The following DOCK7 variants were observed in gnomAD, a reference collection of about 807,000 sequenced individuals.
DOCK7 encodes dedicator of cytokinesis protein 7.
DOCK7 carries 138 observed loss-of-function variants against 271.0 expected under a neutral mutation model. That is an observed-to-expected ratio of 0.51 (90% confidence interval 0.44 to 0.59). DOCK7 has a LOEUF of 0.59. Among genes scored for constraint, DOCK7 ranks in the 20% least tolerant of loss-of-function variants. DOCK7 has a pLI of 0.00. For missense variants in DOCK7, 2,066 were observed against 2,592.4 expected, an observed-to-expected ratio of 0.80 and a Z score of 4.41; for synonymous variants, 823 against 876.1, an observed-to-expected ratio of 0.94 and a Z score of 1.07.
intron 14 of DOCK7, among the ~76,000 whole-genome samples, chr1:62,615,684 T>C (rs1652350622): frequency 1.3e-5 from 2 of 151,732 alleles, no homozygotes; most frequent in Admixed American, 6.6e-5. Context: ...TGTTCACTCA[T>C]GAGAGAAAAA....
chr1:62,629,276 C>A (rs535234959), intron 11 of DOCK7: 1 of 152,202 alleles, frequency 6.6e-6, no homozygotes, highest in Admixed American at 6.5e-5. Flanking sequence ...AATGTCCACA[C>A]GAAAGCTTGT....
chr1:62,546,089 C>T (rs1180362444), intron 22 of DOCK7, among the ~76,000 whole-genome samples: 1 of 152,068 alleles, frequency 6.6e-6, no homozygotes, highest in Admixed American at 6.6e-5. Flanking sequence ...AACCAGAAAC[C>T]ACCAAAGGAA....
intron 12 of DOCK7, 179 bp downstream of exon 12, chr1:62,625,080 T>C (rs142151458): frequency 6.4e-6 from 3 of 467,436 alleles, no homozygotes; most frequent in South Asian, 6.0e-5. Flanking sequence ...GCTAAAATAA[T>C]AGGAACAATA....
At chr1:62,602,184 C>A in intron 14 of DOCK7, 2 of 958,024 alleles carry the variant, frequency 2.1e-6, no homozygotes, top group Non-Finnish European at 3.3e-6. Context: ...AATAAACTAC[C>A]TTACAAAACC....
chr1:62,544,978 G>T lies in DOCK7; in HGVS notation c.2828C>A (p.Ser943Tyr), dbSNP rs61742951. The change falls in exon 23 of 50, where the codon TCC becomes TAC. Residue 943 changes from serine (S) to tyrosine (Y), a missense_variant. Ser to Tyr is a moderately radical substitution (Grantham distance 144). Transcript: ENST00000635253. Reference protein sequence around the residue: ...TGGPKAAPWGSNPSPSAESTQ... With the variant: ...TGGPKAAPWGYNPSPSAESTQ... ...TGATTCTGCACTTGGACTGGGGTTGGATCCCCATGGGGCAGCTTTTGGACC... is the reference window on the plus strand; with the variant it reads ...TGATTCTGCACTTGGACTGGGGTTGTATCCCCATGGGGCAGCTTTTGGACC... 1.3e-6 allele frequency: 2 copies of T among 1,549,740 alleles called. No homozygotes were observed. The highest frequency in any genetic ancestry group is 3.9e-5 in the Admixed American group (2 of 50,966).
At chr1:62,532,627 G>A (rs1645209794) in intron 29 of DOCK7, among the ~76,000 whole-genome samples, 1 of 152,220 alleles carries the variant, frequency 6.6e-6, no homozygotes, top group Non-Finnish European at 1.5e-5. Flanking sequence ...GAGCCTCTGT[G>A]CCTGGCCAAT....
rs1428619413 is a variant in DOCK7, at chr1:62,648,271, A to G, written c.567T>C (p.Gly189=). The change falls in exon 6 of 50, where the codon GGT becomes GGC. Residue 189 remains glycine (G), a synonymous_variant. Transcript: ENST00000635253. ...AGTCAAAGATACTACAGGCCCAGCT[A>G]CCCCTTGGGGTATCATCTATTGACA... ...RSMSIDDTPR[G]SWACSIFDLK... 2 of 1,613,574 alleles carry G rather than the reference A, an allele frequency of 1.2e-6. No homozygotes were observed. Among genetic ancestry groups the G allele is most frequent in the East Asian group, 4.5e-5 (2 of 44,812 alleles).
At chr1:62,472,020 T>C (rs906994407) in intron 48 of DOCK7, among the ~76,000 whole-genome samples, 4 of 152,178 alleles carry the variant, frequency 2.6e-5, no homozygotes, top group Non-Finnish European at 5.9e-5. Context: ...CACACAAAAA[T>C]AAAAAATGTA....
intron 1 of DOCK7, among the ~76,000 whole-genome samples, chr1:62,684,095 C>G (rs575402170): frequency 6.6e-6 from 1 of 151,972 alleles, no homozygotes; most frequent in East Asian, 1.9e-4. Flanking sequence ...CAAAAATTAG[C>G]TGGGCGTGGT....
In DOCK7 at chr1:62,538,004, C is replaced by T. The variant is rs1645402618; in HGVS notation, c.3358G>A (p.Asp1120Asn). 6.2e-7 allele frequency: 1 copy of T among 1,613,902 alleles called. No individual in the cohort carries two copies. The highest frequency in any genetic ancestry group is 1.3e-5 in the African/African-American group (1 of 74,902). Reference protein sequence around the residue: ...NPSVLVSLRLDFLRIICSHEH... With the variant: ...NPSVLVSLRLNFLRIICSHEH... ...TGACTGCAGATGATTCGTAGAAAAT[C>T]CAGCCTCAAGGACACCAGAACACTG... Residue 1120 changes from aspartate to asparagine, a missense_variant, in exon 28 of 50, where the codon GAT (aspartate) becomes AAT (asparagine). Asp to Asn is a conservative substitution (Grantham distance 23, BLOSUM62 1). Around this residue, in one of 2 missense-constraint regions of DOCK7, gnomAD observed 1,414 missense variants for 1,670.4 expected, o/e 0.85. Transcript: ENST00000635253.
chr1:62,568,658 C>A (rs1239085554), intron 18 of DOCK7, among the ~76,000 whole-genome samples: 2 of 108,050 alleles, frequency 1.9e-5, no homozygotes, highest in African/African-American at 7.0e-5. Context: ...GAAATCCTAA[C>A]ATCACAACTA....
At chr1:62,552,945 C>A in intron 21 of DOCK7, 44 bp from the exon 22 acceptor site, 1 of 1,374,698 alleles carries the variant, frequency 7.3e-7, no homozygotes, top group Non-Finnish European at 9.5e-7. Context: ...GAAAATTAGT[C>A]AGGAAAGGAT....
At chr1:62,569,673 G>C (rs925050481) in intron 18 of DOCK7, among the ~76,000 whole-genome samples, 1 of 151,280 alleles carries the variant, frequency 6.6e-6, no homozygotes, top group African/African-American at 2.4e-5. Flanking sequence ...TTGAAGACTG[G>C]CACAAAACAA....
At chr1:62,585,537 G>C (rs1213425490) in intron 15 of DOCK7, among the ~76,000 whole-genome samples, 1 of 152,134 alleles carries the variant, frequency 6.6e-6, no homozygotes, top group Admixed American at 6.5e-5. Flanking sequence ...AATTTGGACA[G>C]TCAAGAATCT....
chr1:62,554,368 A>C (rs1646064333), intron 21 of DOCK7, among the ~76,000 whole-genome samples: 1 of 148,134 alleles, frequency 6.8e-6, no homozygotes, highest in Admixed American at 6.9e-5. Context: ...GCTACCCGAG[A>C]GGCTGAGGCA....
intron 28 of DOCK7, among the ~76,000 whole-genome samples, chr1:62,536,481 C>G (rs1382098157): frequency 6.6e-6 from 1 of 152,078 alleles, no homozygotes; most frequent in African/African-American, 2.4e-5. Context: ...GTAGCTACAT[C>G]TTTGGCAGAG....
At chr1:62,490,348 G>A (rs1391226897) in intron 41 of DOCK7, among the ~76,000 whole-genome samples, 2 of 152,030 alleles carry the variant, frequency 1.3e-5, no homozygotes, top group Non-Finnish European at 2.9e-5. Context: ...GGATTACTAT[G>A]CAACCTCCCA....
chr1:62,584,626 TGA>T, intron 15 of DOCK7: 1 of 1,293,704 alleles, frequency 7.7e-7, no homozygotes, highest in African/African-American at 1.5e-5. Context: ...TTTGACCATT[TGA>T]CATGTACTTT....
intron 21 of DOCK7, among the ~76,000 whole-genome samples, 188 bp from the exon 22 acceptor site, chr1:62,553,089 C>A (rs1294749831): frequency 8.0e-6 from 1 of 124,904 alleles, no homozygotes; most frequent in Non-Finnish European, 1.6e-5. Flanking sequence ...GGCTGGAGTG[C>A]AGTGGCTTGA....
Sources: gnomAD v4.1 joint callset for allele counts (sites outside exome capture counted in the v4.1 genomes callset) on GRCh38, gnomAD v4.1.1 for gene constraint, gnomAD v4.1.1 regional missense constraint, MANE v1.5 for transcripts, NCBI Gene and HGNC (gene_info 2026-07-23, HGNC 2026-07-21) for gene names.